Variants in ADAMTS5 observed in about 807,000 individuals in gnomAD.
ADAMTS5 encodes ADAM metallopeptidase with thrombospondin type 1 motif 5.
A neutral mutation model predicts 81.4 loss-of-function variants in ADAMTS5; 54 were observed. The observed-to-expected ratio is 0.66, with a 90% CI of 0.53 to 0.83. The LOEUF (loss-of-function observed/expected upper bound fraction) is 0.83, where lower values mean the gene tolerates loss of function less well. Ranked by LOEUF, ADAMTS5 falls within the 40% of genes least tolerant of loss-of-function variation. The pLI, the probability that ADAMTS5 is intolerant of heterozygous loss-of-function variation, is 0.00. For synonymous variants in ADAMTS5, 532 were observed against 508.8 expected (o/e 1.05, Z -0.61); for missense variants, 1,194 against 1,229.9 (o/e 0.97, Z 0.44).
intron 1 of ADAMTS5, among the ~76,000 whole-genome samples, chr21:26,956,746 C>T (rs1158003545): frequency 6.6e-6 from 1 of 152,116 alleles, no homozygotes; most frequent in Admixed American, 6.6e-5. Flanking sequence ...ATTTTCCCTT[C>T]TTACTCTATA....
At chr21:26,961,689 C>A (rs1987531973) in intron 1 of ADAMTS5, among the ~76,000 whole-genome samples, 2 of 152,214 alleles carry the variant, frequency 1.3e-5, no homozygotes, top group Non-Finnish European at 2.9e-5. Flanking sequence ...GCTTAGTCTG[C>A]TACCAGTCTC....
chr21:26,929,500 A>T (rs906142996), intron 7 of ADAMTS5, among the ~76,000 whole-genome samples: 1 of 152,232 alleles, frequency 6.6e-6, no homozygotes, highest in Non-Finnish European at 1.5e-5. Flanking sequence ...CAGTGTAAGG[A>T]TAATTTGTTT....
intron 2 of ADAMTS5, among the ~76,000 whole-genome samples, chr21:26,949,176 A>G (rs1987271836): frequency 6.7e-6 from 1 of 148,912 alleles, no homozygotes. Context: ...CCATATATAT[A>G]TATCACACAT....
chr21:26,927,239 C>T (rs960637613), intron 7 of ADAMTS5, among the ~76,000 whole-genome samples: 1 of 152,164 alleles, frequency 6.6e-6, no homozygotes, highest in Non-Finnish European at 1.5e-5. Flanking sequence ...CATTTATATT[C>T]AAGCATGCTC....
chr21:26,965,662 G>A lies in ADAMTS5; in HGVS notation c.730C>T (p.Leu244Phe), dbSNP rs115293689. 3.5e-3 allele frequency: 5,541 copies of A among 1,591,106 alleles called. 157 individuals carry two copies. In the African/African-American group the frequency reaches 0.064, roughly 18 times the overall value. The change falls in exon 1 of 8, where the codon CTC becomes TTC. Residue 244 changes from leucine (L) to phenylalanine (F), a missense_variant. Coordinates refer to ENST00000284987, the MANE Select transcript of ADAMTS5 (RefSeq NM_007038.5). ...GGTCCTGAGCCCCCAGCGGGCGAGA[G>A]AGCGGACTGGTCCAAGAGCTGCGAG... Reference protein sequence around the residue: ...LASQLLDQSALSPAGGSGPQT... With the variant: ...LASQLLDQSAFSPAGGSGPQT...
chr21:26,938,451 A>G (rs972338514), intron 3 of ADAMTS5, among the ~76,000 whole-genome samples: 4 of 152,222 alleles, frequency 2.6e-5, no homozygotes, highest in Admixed American at 2.6e-4. Context: ...AGGAAATGGA[A>G]CAGAAAAATC....
rs141239433 is a variant in ADAMTS5 at position 26,959,574 on chromosome 21, A to G, written c.1105-4703T>C. ...TTCATAATCTACACTTGATTAAGCA[A>G]ATTTCTTTCTTGCAGCAAATAAAGA... On this transcript the variant is annotated intron_variant, in intron 1 of 7. Transcript: ENST00000284987. 2.2e-3 allele frequency among the ~76,000 whole-genome samples: 341 copies of G among 152,292 alleles called. 2 individuals carry two copies. The highest frequency in any genetic ancestry group is 7.4e-3 in the African/African-American group (307 of 41,560).
Position 26,924,605 on chromosome 21 carries a change from G to A in ADAMTS5, c.2241C>T (p.Asp747=), listed in dbSNP as rs138776542. The change falls in exon 8 of 8, where the codon GAC becomes GAT. Residue 747 remains aspartate, a synonymous_variant. Coordinates refer to ENST00000284987, the MANE Select transcript of ADAMTS5 (RefSeq NM_007038.5). ...TFNKKSKGYT[D]VVRIPEGATH... is the part of the protein sequence containing the mutation. ...TTGCCCCTTCAGGAATCCTCACCAC[G>A]TCAGTGTAACCCTTACTGGAAGTAG... 341 of 1,613,038 alleles carry A rather than the reference G, an allele frequency of 2.1e-4. 1 individual carries two copies. The African/African-American group carries it at 3.6e-3, about 17-fold the overall frequency.
At chr21:26,926,537 C>G (rs170657) in intron 7 of ADAMTS5, among the ~76,000 whole-genome samples, 89,889 of 151,904 alleles carry the variant, frequency 0.59, 26,937 homozygotes, top group Non-Finnish European at 0.63. Context: ...GCTGGGCATG[C>G]TGGCCCGTGC....
intron 3 of ADAMTS5, among the ~76,000 whole-genome samples, chr21:26,938,275 T>A (rs542770357): frequency 6.6e-6 from 1 of 150,916 alleles, no homozygotes; most frequent in African/African-American, 2.4e-5. Context: ...AGAAAGTCAA[T>A]AGGAATGTGT....
chr21:26,919,344 CT>C lies in ADAMTS5; in HGVS notation c.*4708del, dbSNP rs1986644645. On this transcript the variant is annotated 3_prime_UTR_variant, in exon 8 of 8. Transcript: ENST00000284987. ...CCACTGCTCGTTTTTTCCATTTGAC[CT>C]TTACAGTCCACATGGTCCAGTTAGT... 1 of 151,344 alleles carries C rather than the reference CT, an allele frequency of 6.6e-6. No homozygotes were observed. The highest frequency in any genetic ancestry group is 1.5e-5 in the Non-Finnish European group (1 of 67,820). 9.4% of individuals were successfully genotyped at this position (151,344 alleles called of 1,614,324 possible).
chr21:26,947,314 C>A (rs1987233874), intron 2 of ADAMTS5, among the ~76,000 whole-genome samples: 1 of 152,160 alleles, frequency 6.6e-6, no homozygotes, highest in Non-Finnish European at 1.5e-5. Flanking sequence ...AGGGTTTTAA[C>A]TGGGGAGGGG....
At chr21:26,952,184 A>G (rs536365881) in intron 2 of ADAMTS5, among the ~76,000 whole-genome samples, 3 of 152,306 alleles carry the variant, frequency 2.0e-5, no homozygotes, top group Admixed American at 1.3e-4. Context: ...GAAATAAACA[A>G]AGATGATCCA....
rs1194626437 is a variant in ADAMTS5, at chr21:26,923,235, GA to G, written c.*817del. The G allele has an allele frequency of 6.6e-6, 1 of 151,902 alleles. No individual in the cohort carries two copies. The allele number at this position is 151,902 out of a possible 1,614,324, so 9.4% of individuals were successfully genotyped here. A position where few individuals can be genotyped will look rare whatever the true frequency, so the allele number is the denominator to read the frequency against. On this transcript the variant is annotated 3_prime_UTR_variant, in exon 8 of 8. Transcript: ENST00000284987. The stretch of plus-strand genomic sequence containing the variant: ...TCCAACACAAGGAAACTAGTTTTTA[GA>G]CTCTTGAGTATGATCACACACACAC...
intron 1 of ADAMTS5, among the ~76,000 whole-genome samples, chr21:26,962,525 T>C (rs1987548484): frequency 6.6e-6 from 1 of 152,246 alleles, no homozygotes; most frequent in South Asian, 2.1e-4. Context: ...GACTTCCAGA[T>C]GCAACTTTCA....
intron 1 of ADAMTS5, among the ~76,000 whole-genome samples, chr21:26,958,181 G>A (rs898461495): frequency 6.6e-6 from 1 of 152,120 alleles, no homozygotes; most frequent in South Asian, 2.1e-4. Flanking sequence ...GTGCAAATAC[G>A]CTGAGGGAGG....
chr21:26,952,755 C>T (rs1478411032), intron 2 of ADAMTS5, among the ~76,000 whole-genome samples: 1 of 152,210 alleles, frequency 6.6e-6, no homozygotes, highest in East Asian at 1.9e-4. Flanking sequence ...CTCCGCTTGA[C>T]CTGTGACGAA....
chr21:26,924,584 C>T lies in ADAMTS5; in HGVS notation c.2262G>A (p.Gly754=). 1 of 1,613,712 alleles carries T rather than the reference C, an allele frequency of 6.2e-7. No individual in the cohort carries two copies. Among genetic ancestry groups the T allele is most frequent in the Non-Finnish European group, 8.5e-7 (1 of 1,179,888 alleles). ...GYTDVVRIPE[G]ATHIKVRQFK... is the part of the protein sequence containing the mutation. ...ACTGTCGAACTTTTATGTGGGTTGCCCCTTCAGGAATCCTCACCACGTCAG... is the reference window on the plus strand; with the variant it reads ...ACTGTCGAACTTTTATGTGGGTTGCTCCTTCAGGAATCCTCACCACGTCAG... Residue 754 remains glycine (G), a synonymous_variant, in exon 8 of 8, where the codon GGG becomes GGA. Transcript: ENST00000284987.
intron 1 of ADAMTS5, among the ~76,000 whole-genome samples, chr21:26,960,744 C>G (rs1309720906): frequency 1.3e-5 from 2 of 152,186 alleles, no homozygotes; most frequent in Admixed American, 1.3e-4. Context: ...AGCAGACTAG[C>G]AGACATAGTG....
Sources: allele counts gnomAD v4.1 joint callset (sites outside exome capture counted in the v4.1 genomes callset), GRCh38; gene constraint gnomAD v4.1.1; transcripts MANE v1.5; gene names NCBI Gene and HGNC (gene_info 2026-07-23, HGNC 2026-07-21).